CACNA1D: variants seen among roughly 807,000 people sequenced by gnomAD.
The protein encoded by CACNA1D is calcium voltage-gated channel subunit alpha1 D, also known as voltage-dependent L-type calcium channel subunit alpha-1D.
CACNA1D carries 55 observed loss-of-function variants against 257.1 expected under a neutral mutation model. The ratio of observed to expected loss-of-function variants is 0.21; its 90% CI spans 0.17 to 0.27. CACNA1D has a LOEUF of 0.27. CACNA1D is among the 10% of genes least tolerant of loss of function. The pLI is 1.00. For missense variants in CACNA1D, 1,876 were observed against 2,784.0 expected (o/e 0.67, Z 7.34); for synonymous variants, 980 against 1,014.9 (o/e 0.97, Z 0.65).
chr3:53,613,888 G>A (rs1051790794), intron 3 of CACNA1D, among the ~76,000 whole-genome samples: 24 of 151,992 alleles, frequency 1.6e-4, no homozygotes, highest in African/African-American at 5.3e-4. Flanking sequence ...CAGAAATCAC[G>A]TAGTAATTTG....
intron 3 of CACNA1D, among the ~76,000 whole-genome samples, chr3:53,538,780 T>C (rs1029952655): frequency 6.6e-6 from 1 of 152,206 alleles, no homozygotes; most frequent in African/African-American, 2.4e-5. Flanking sequence ...TGCTTTTTAG[T>C]GGGAGATAGT....
At chr3:53,691,801 A>T (rs566160220) in intron 8 of CACNA1D, among the ~76,000 whole-genome samples, 4 of 87,388 alleles carry the variant, frequency 4.6e-5, no homozygotes, top group African/African-American at 1.8e-4. Context: ...TATATTACAT[A>T]TATAATATAT....
At chr3:53,685,994 A>C (rs2094470598) in intron 8 of CACNA1D, among the ~76,000 whole-genome samples, 1 of 152,124 alleles carries the variant, frequency 6.6e-6, no homozygotes, top group Non-Finnish European at 1.5e-5. Flanking sequence ...ATCTCTAACA[A>C]AACTAATCAA....
At chr3:53,618,999 G>A (rs948423737) in intron 3 of CACNA1D, among the ~76,000 whole-genome samples, 2 of 152,080 alleles carry the variant, frequency 1.3e-5, no homozygotes, top group South Asian at 2.1e-4. Flanking sequence ...GCCCTTACCC[G>A]GCAGCCCCCA....
intron 3 of CACNA1D, among the ~76,000 whole-genome samples, chr3:53,550,318 C>T (rs990489735): frequency 2.0e-5 from 3 of 152,080 alleles, no homozygotes; most frequent in African/African-American, 7.2e-5. Context: ...GTGAAATTAC[C>T]CTGGAACCAC....
chr3:53,562,921 C>T (rs1359644191), intron 3 of CACNA1D, among the ~76,000 whole-genome samples: 1 of 152,180 alleles, frequency 6.6e-6, no homozygotes, highest in Non-Finnish European at 1.5e-5. Context: ...GAGGCATAGC[C>T]TTTATACAAG....
chr3:53,610,359 T>A (rs1236859777), intron 3 of CACNA1D, among the ~76,000 whole-genome samples: 1 of 152,246 alleles, frequency 6.6e-6, no homozygotes. Context: ...ACTATACTTG[T>A]GGATTGATTT....
At position 53,747,354 on chromosome 3, in the gene CACNA1D, G is replaced by A. The variant is rs2095180075; in HGVS notation, c.3220G>A (p.Glu1074Lys). 6.2e-7 allele frequency: 1 copy of A among 1,613,792 alleles called. No homozygotes were observed. ...DGDVDSPVVRERIWQNSDFNF... is the reference protein window; with the variant it reads ...DGDVDSPVVRKRIWQNSDFNF... Reference sequence around the variant, plus strand: ...GGATGTTGACAGTCCTGTGGTCCGTGAACGGATCTGGCAAAACAGTGATTT... The same window carrying A: ...GGATGTTGACAGTCCTGTGGTCCGTAAACGGATCTGGCAAAACAGTGATTT... Residue 1074 changes from glutamate (E) to lysine (K), a missense_variant, in exon 26 of 48, where the codon GAA becomes AAA. Glu to Lys is a moderately conservative substitution (Grantham distance 56, BLOSUM62 1). Around this residue, in one of 10 missense-constraint regions of CACNA1D, gnomAD observed 271 missense variants for 425.5 expected, o/e 0.64. Coordinates refer to ENST00000350061, the MANE Select transcript of CACNA1D (RefSeq NM_001128840.3).
rs374744992 is a variant in CACNA1D at position 53,570,740 on chromosome 3, A to G, written c.483+69020A>G. Among the ~76,000 whole-genome samples the G allele has an allele frequency of 2.0e-5, 3 of 152,384 alleles. No homozygotes were observed. In the South Asian group the frequency reaches 6.2e-4, roughly 32 times the overall value. On this transcript the variant is annotated intron_variant, in intron 3 of 47. Transcript: ENST00000350061. ...GAGCAAAATATTAAGTGCAAGGTACAGTCTAACGCATATCACTCTGCAGTA... is the reference window on the plus strand; with the variant it reads ...GAGCAAAATATTAAGTGCAAGGTACGGTCTAACGCATATCACTCTGCAGTA...
intron 3 of CACNA1D, among the ~76,000 whole-genome samples, chr3:53,624,911 T>A (rs2093739368): frequency 6.6e-6 from 1 of 152,074 alleles, no homozygotes; most frequent in Non-Finnish European, 1.5e-5. Flanking sequence ...ACAGCGAACA[T>A]TGCATTGATA....
At chr3:53,609,741 T>C (rs925356104) in intron 3 of CACNA1D, among the ~76,000 whole-genome samples, 1 of 152,204 alleles carries the variant, frequency 6.6e-6, no homozygotes, top group Non-Finnish European at 1.5e-5. Flanking sequence ...TTTTCTCTAT[T>C]GTTTGCCTAT....
chr3:53,683,247 A>G (rs141534823), intron 8 of CACNA1D, among the ~76,000 whole-genome samples: 2 of 152,204 alleles, frequency 1.3e-5, no homozygotes, highest in Non-Finnish European at 2.9e-5. Flanking sequence ...GTGGTTGGAA[A>G]TCTCTCCGTG....
At chr3:53,580,794 A>T in intron 3 of CACNA1D, among the ~76,000 whole-genome samples, 1 of 152,248 alleles carries the variant, frequency 6.6e-6, no homozygotes, top group Admixed American at 6.5e-5. Context: ...CATTGCTTAA[A>T]GTAGCCATGT....
intron 8 of CACNA1D, among the ~76,000 whole-genome samples, chr3:53,681,783 G>C (rs1576335046): frequency 6.6e-6 from 1 of 152,352 alleles, no homozygotes; most frequent in East Asian, 1.9e-4. Context: ...AGGCACAACT[G>C]CTGTCAGTTT....
intron 29 of CACNA1D, among the ~76,000 whole-genome samples, chr3:53,755,317 G>C (rs1476422352): frequency 1.3e-5 from 2 of 151,896 alleles, no homozygotes; most frequent in African/African-American, 4.9e-5. Flanking sequence ...CACCCATGGT[G>C]TGTATGTGTG....
chr3:53,636,301 T>C (rs936650998), intron 3 of CACNA1D, among the ~76,000 whole-genome samples: 4 of 152,096 alleles, frequency 2.6e-5, no homozygotes, highest in Non-Finnish European at 5.9e-5. Context: ...TTGAAAAATA[T>C]ATGCGATTTA....
intron 3 of CACNA1D, among the ~76,000 whole-genome samples, chr3:53,522,992 C>T (rs1197317198): frequency 6.6e-6 from 1 of 152,120 alleles, no homozygotes; most frequent in Non-Finnish European, 1.5e-5. Context: ...TTTTAGTTCC[C>T]ACATAAGAGT....
chr3:53,744,880 A>G (rs2095152739), intron 23 of CACNA1D, 53 bp downstream of exon 23: 1 of 973,890 alleles, frequency 1.0e-6, no homozygotes, highest in African/African-American at 1.6e-5. Flanking sequence ...GTTGGCTGTA[A>G]TTACTGGCTC....
At chr3:53,719,863 T>TA (rs1460375550) in intron 11 of CACNA1D, 82 bp downstream of exon 11, 9 of 1,258,174 alleles carry the variant, frequency 7.2e-6, no homozygotes, top group Non-Finnish European at 9.4e-6. Context: ...GTAGTATTGC[T>TA]CTGGACTTGA....
Sources: allele counts gnomAD v4.1 joint callset (sites outside exome capture counted in the v4.1 genomes callset), GRCh38; gene constraint gnomAD v4.1.1; regional missense constraint gnomAD v4.1.1; transcripts MANE v1.5; gene names NCBI Gene and HGNC (gene_info 2026-07-23, HGNC 2026-07-21).